Variants in ACOXL observed in about 807,000 individuals in gnomAD.
ACOXL encodes the protein acyl-CoA oxidase like.
A neutral mutation model predicts 71.9 loss-of-function variants in ACOXL; 70 were observed. The observed-to-expected ratio is 0.97, with a 90% confidence interval of 0.80 to 1.19. The LOEUF (loss-of-function observed/expected upper bound fraction) is 1.19. Among genes scored for constraint, ACOXL ranks in the 50% most tolerant of loss-of-function variants. ACOXL has a pLI of 0.00. For missense variants in ACOXL, 703 were observed against 736.3 expected, an observed-to-expected ratio of 0.95 and a Z score of 0.52; for synonymous variants, 253 against 281.6, an observed-to-expected ratio of 0.90 and a Z score of 1.02.
chr2:111,036,976 G>A (rs2065545768), intron 15 of ACOXL: 1 of 152,174 alleles, frequency 6.6e-6, no homozygotes, highest in South Asian at 2.1e-4. Context: ...ATCGTAGTAT[G>A]TAAAAATCTG....
At chr2:110,962,977 G>A (rs1448152712) in intron 12 of ACOXL, among the ~76,000 whole-genome samples, 1 of 152,188 alleles carries the variant, frequency 6.6e-6, no homozygotes, top group Non-Finnish European at 1.5e-5. Context: ...GACAGGCTTT[G>A]CTTCTTTCAT....
chr2:111,072,539 TG>T (rs1285335027), intron 16 of ACOXL, among the ~76,000 whole-genome samples: 15 of 152,248 alleles, frequency 9.9e-5, no homozygotes, highest in Admixed American at 7.9e-4. Context: ...TGAGTAGAGC[TG>T]CTATAAGTAT....
intron 1 of ACOXL, among the ~76,000 whole-genome samples, chr2:110,742,645 C>T (rs1344836949): frequency 2.0e-5 from 3 of 152,170 alleles, no homozygotes; most frequent in Non-Finnish European, 2.9e-5. Flanking sequence ...TTGGGGAATT[C>T]TCTAGTTTTC....
intron 9 of ACOXL, among the ~76,000 whole-genome samples, chr2:110,833,438 T>C (rs1438792840): frequency 1.3e-5 from 2 of 152,070 alleles, no homozygotes; most frequent in African/African-American, 2.4e-5. Context: ...GGCAGGAAAG[T>C]AGGTGTGGCT....
intron 13 of ACOXL, among the ~76,000 whole-genome samples, chr2:110,990,985 C>T (rs1043314095): frequency 1.3e-5 from 2 of 152,138 alleles, no homozygotes; most frequent in Non-Finnish European, 2.9e-5. Context: ...CAAAGTTTTA[C>T]ATCTCTCATA....
intron 9 of ACOXL, among the ~76,000 whole-genome samples, chr2:110,825,010 A>C (rs1011348577): frequency 1.3e-5 from 2 of 152,122 alleles, no homozygotes; most frequent in Non-Finnish European, 2.9e-5. Context: ...CCTGACCTTG[A>C]CCTTTGTCTT....
At chr2:110,899,953 A>G (rs1303394671) in intron 10 of ACOXL, among the ~76,000 whole-genome samples, 1 of 152,134 alleles carries the variant, frequency 6.6e-6, no homozygotes, top group Non-Finnish European at 1.5e-5. Context: ...GGCCCTGTCC[A>G]CACCACTTTC....
chr2:110,974,906 T>C (rs1017276711), intron 12 of ACOXL, among the ~76,000 whole-genome samples: 2 of 152,240 alleles, frequency 1.3e-5, no homozygotes, highest in Non-Finnish European at 2.9e-5. Context: ...CCTTTTGTAC[T>C]TTTTCCTTGC....
At chr2:110,776,136 G>C (rs753855964) in intron 2 of ACOXL, among the ~76,000 whole-genome samples, 100 of 152,206 alleles carry the variant, frequency 6.6e-4, no homozygotes, top group Admixed American at 9.2e-4. Flanking sequence ...TATGAACCTG[G>C]AAGACGTTAT....
At chr2:110,840,130 A>C (rs1421355641) in intron 9 of ACOXL, among the ~76,000 whole-genome samples, 2 of 152,060 alleles carry the variant, frequency 1.3e-5, no homozygotes, top group Non-Finnish European at 2.9e-5. Flanking sequence ...AGCCGGGATT[A>C]CAGGTGCCCG....
intron 14 of ACOXL, among the ~76,000 whole-genome samples, chr2:110,999,976 G>A (rs2063549839): frequency 6.6e-6 from 1 of 152,216 alleles, no homozygotes; most frequent in African/African-American, 2.4e-5. Flanking sequence ...GTTTGGGGCA[G>A]GTTGTTGCAC....
intron 12 of ACOXL, among the ~76,000 whole-genome samples, chr2:110,956,744 A>C (rs542630230): frequency 6.6e-6 from 1 of 152,242 alleles, no homozygotes; most frequent in African/African-American, 2.4e-5. Flanking sequence ...CAGAATTTCT[A>C]ATTTGTTCTG....
At position 110,933,589 on chromosome 2, in the gene ACOXL, A is replaced by G. The variant is rs1574179720; in HGVS notation, c.1006A>G (p.Thr336Ala). 6.2e-7 allele frequency: 1 copy of G among 1,613,818 alleles called. No homozygotes were observed. Among genetic ancestry groups the G allele is most frequent in the Non-Finnish European group, 8.5e-7 (1 of 1,179,978 alleles). The change falls in exon 12 of 18, where the codon ACC becomes GCC. Residue 336 changes from threonine (T) to alanine (A), a missense_variant. Physicochemically the swap from Thr to Ala is moderately conservative, Grantham distance 58. Transcript: ENST00000439055. ...GGTGGCGGGGCTGAAGGCCTACAGC[A>G]CCTGGGAGAACATCCGCTGCCTGCA... ...ALVAGLKAYS[T>A]WENIRCLQDC...
chr2:110,770,821 G>T (rs1394489334), intron 2 of ACOXL, among the ~76,000 whole-genome samples: 3 of 152,238 alleles, frequency 2.0e-5, no homozygotes, highest in African/African-American at 4.8e-5. Context: ...CAACATGTCT[G>T]TGGCTTAACT....
intron 12 of ACOXL, among the ~76,000 whole-genome samples, chr2:110,935,712 C>T (rs967909243): frequency 7.2e-5 from 11 of 152,198 alleles, no homozygotes; most frequent in African/African-American, 2.7e-4. Context: ...ATAATTCTGA[C>T]ACCAGATGTG....
chr2:111,118,057 G>C lies in ACOXL; in HGVS notation c.*241G>C. Reference sequence around the variant, plus strand: ...GTGCCCTTTCCCTGAAACCCAGCCTGGCCTGACTGCAACCTCTCCCAACTT... The same window carrying C: ...GTGCCCTTTCCCTGAAACCCAGCCTCGCCTGACTGCAACCTCTCCCAACTT... On this transcript the variant is annotated 3_prime_UTR_variant, in exon 18 of 18. Transcript: ENST00000439055. 1.7e-6 allele frequency: 1 copy of C among 587,454 alleles called. No individual in the cohort carries two copies. Among genetic ancestry groups the C allele is most frequent in the Non-Finnish European group, 3.0e-6 (1 of 332,102 alleles). 36.4% of individuals were successfully genotyped at this position (587,454 alleles called of 1,614,324 possible). A position where few individuals can be genotyped will look rare whatever the true frequency, so the allele number is the denominator to read the frequency against.
chr2:110,912,693 C>T (rs920091056), intron 11 of ACOXL, among the ~76,000 whole-genome samples: 2 of 152,042 alleles, frequency 1.3e-5, no homozygotes, highest in Non-Finnish European at 2.9e-5. Context: ...GTAGGTTAGG[C>T]AGTGGTTTCT....
intron 12 of ACOXL, among the ~76,000 whole-genome samples, chr2:110,981,567 TTAG>T (rs1163593541): frequency 6.6e-6 from 1 of 152,240 alleles, no homozygotes; most frequent in Non-Finnish European, 1.5e-5. Flanking sequence ...GAGCTTAGCC[TTAG>T]TAGATAGATG....
At chr2:110,915,217 C>A (rs563223452) in intron 11 of ACOXL, among the ~76,000 whole-genome samples, 2 of 151,178 alleles carry the variant, frequency 1.3e-5, no homozygotes, top group South Asian at 4.2e-4. Context: ...CACAATTTTT[C>A]TTTCTCTATT....
Sources: allele counts gnomAD v4.1 joint callset (sites outside exome capture counted in the v4.1 genomes callset), GRCh38; gene constraint gnomAD v4.1.1; transcripts MANE v1.5; gene names NCBI Gene and HGNC (gene_info 2026-07-23, HGNC 2026-07-21).